Variants in TRIM67 observed in about 807,000 individuals in gnomAD.
TRIM67 encodes tripartite motif-containing protein 67.
Under a neutral mutation model 71.0 loss-of-function variants are expected in TRIM67, and 39 were observed. The observed-to-expected ratio is 0.55, with a 90% CI of 0.43 to 0.72. TRIM67 has a LOEUF of 0.72. Ranked by LOEUF, TRIM67 falls within the 30% of genes least tolerant of loss-of-function variation. The pLI is 0.00. For missense variants in TRIM67, 973 were observed against 1,079.2 expected (o/e 0.90, Z 1.38); for synonymous variants, 481 against 473.9 (o/e 1.01, Z -0.19).
At chr1:231,164,871 T>C (rs1682408296) in intron 1 of TRIM67, among the ~76,000 whole-genome samples, 1 of 152,244 alleles carries the variant, frequency 6.6e-6, no homozygotes, top group Admixed American at 6.5e-5. Context: ...CATATATAGT[T>C]ACTCTATAGT....
At chr1:231,194,807 C>A (rs1004910449) in intron 1 of TRIM67, among the ~76,000 whole-genome samples, 2 of 152,124 alleles carry the variant, frequency 1.3e-5, no homozygotes, top group African/African-American at 4.8e-5. Flanking sequence ...CCCAGCCTCC[C>A]GAGTAGCTGG....
rs377193478 is a variant in TRIM67, at chr1:231,163,831, G to C, written c.862G>C (p.Gly288Arg). Reference sequence around the variant, plus strand: ...CGGCTGCAAGAGCCCGGGAGGCGCGGGGGCGGGGGCGACTGGGGGCAGCAC... The same window carrying C: ...CGGCTGCAAGAGCCCGGGAGGCGCGCGGGCGGGGGCGACTGGGGGCAGCAC... ...GGGCKSPGGA[G>R]AGATGGSTAR... The change falls in exon 1 of 10, where the codon GGG becomes CGG. Residue 288 changes from glycine (G) to arginine (R), a missense_variant. Gly to Arg is a moderately radical substitution (Grantham distance 125, BLOSUM62 -2). This residue lies in a region of TRIM67 where 795 missense variants were observed against 831.3 expected (regional missense o/e 0.96). Coordinates refer to ENST00000366653, the MANE Select transcript of TRIM67 (RefSeq NM_001004342.5). 1.8e-5 allele frequency: 28 copies of C among 1,524,250 alleles called. No individual in the cohort carries two copies. The African/African-American group carries it at 3.5e-4, about 19-fold the overall frequency. 94.4% of individuals were successfully genotyped at this position (1,524,250 alleles called of 1,614,324 possible). A position where few individuals can be genotyped will look rare whatever the true frequency, so the allele number is the denominator to read the frequency against.
chr1:231,197,351 A>G lies in TRIM67; in HGVS notation c.1045-20A>G. On this transcript the variant is annotated intron_variant, in intron 1 of 9. Transcript: ENST00000366653. Reference sequence around the variant, plus strand: ...CTTTCACAACTAATTTTTCTTTTCAACATGTGATATCTTTTTCAGGCACAA... The same window carrying G: ...CTTTCACAACTAATTTTTCTTTTCAGCATGTGATATCTTTTTCAGGCACAA... The G allele has an allele frequency of 6.2e-7, 1 of 1,608,776 alleles. No individual in the cohort carries two copies. Among genetic ancestry groups the G allele is most frequent in the Non-Finnish European group, 8.5e-7 (1 of 1,177,104 alleles).
chr1:231,208,159 C>A (rs964175432), intron 7 of TRIM67, among the ~76,000 whole-genome samples: 21 of 151,620 alleles, frequency 1.4e-4, no homozygotes, highest in African/African-American at 4.4e-4. Flanking sequence ...TAGGCGCCCA[C>A]CACCATGTCC....
chr1:231,205,536 G>A (rs1683671015), intron 6 of TRIM67, among the ~76,000 whole-genome samples: 2 of 152,086 alleles, frequency 1.3e-5, no homozygotes, highest in Admixed American at 1.3e-4. Flanking sequence ...GACCAGCCTG[G>A]TCAACATGGT....
intron 1 of TRIM67, among the ~76,000 whole-genome samples, chr1:231,168,513 T>A (rs1682539359): frequency 6.6e-6 from 1 of 152,246 alleles, no homozygotes; most frequent in Non-Finnish European, 1.5e-5. Flanking sequence ...TTACCTTTCA[T>A]AAAGATGACA....
At position 231,219,595 on chromosome 1, in the gene TRIM67, C is replaced by G. The variant is rs1038121909; in HGVS notation, c.*4155C>G. 6.2e-5 allele frequency: 70 copies of G among 1,128,802 alleles called. No individual in the cohort carries two copies. The highest frequency in any genetic ancestry group is 7.2e-5 in the Non-Finnish European group (66 of 913,708). The allele number at this position is 1,128,802 out of a possible 1,614,324, so 69.9% of individuals were successfully genotyped here. On this transcript the variant is annotated 3_prime_UTR_variant, in exon 10 of 10. Transcript: ENST00000366653. ...TCACTCACTGAAGATGCCCCCTGCC[C>G]GCTCCCCACTTCCTAGAAAGCAAAA...
intron 8 of TRIM67, among the ~76,000 whole-genome samples, chr1:231,212,849 A>T (rs1469715454): frequency 6.6e-6 from 1 of 152,150 alleles, no homozygotes; most frequent in African/African-American, 2.4e-5. Flanking sequence ...CACCGAGTGG[A>T]TGTGAATTCT....
At chr1:231,193,500 C>T (rs1281125094) in intron 1 of TRIM67, among the ~76,000 whole-genome samples, 1 of 141,092 alleles carries the variant, frequency 7.1e-6, no homozygotes, top group East Asian at 2.2e-4. Context: ...AACTCTCTCT[C>T]AAGCTCTCTC....
intron 1 of TRIM67, among the ~76,000 whole-genome samples, chr1:231,182,367 G>A (rs1287404008): frequency 2.6e-5 from 4 of 151,904 alleles, no homozygotes; most frequent in African/African-American, 9.7e-5. Context: ...TTTTAAACCA[G>A]CCTGGGAAAC....
chr1:231,195,265 C>T (rs925046367), intron 1 of TRIM67, among the ~76,000 whole-genome samples: 1 of 152,208 alleles, frequency 6.6e-6, no homozygotes, highest in African/African-American at 2.4e-5. Flanking sequence ...TGGCTAATCA[C>T]ACATGGCAGT....
chr1:231,165,244 A>G (rs1457765650), intron 1 of TRIM67, among the ~76,000 whole-genome samples: 1 of 152,238 alleles, frequency 6.6e-6, no homozygotes, highest in Non-Finnish European at 1.5e-5. Context: ...CCCAAATGTC[A>G]ACAGTGCTCT....
At chr1:231,192,449 G>A (rs550532817) in intron 1 of TRIM67, among the ~76,000 whole-genome samples, 2 of 152,116 alleles carry the variant, frequency 1.3e-5, no homozygotes, top group African/African-American at 2.4e-5. Context: ...CAAAGTCCTG[G>A]GATTACAGGT....
chr1:231,206,214 G>A (rs1683691116), intron 6 of TRIM67, among the ~76,000 whole-genome samples: 1 of 151,828 alleles, frequency 6.6e-6, no homozygotes, highest in Non-Finnish European at 1.5e-5. Flanking sequence ...GATCACCTGA[G>A]GTCAAGAGTT....
At position 231,199,151 on chromosome 1, in the gene TRIM67, G is replaced by C; in HGVS notation, c.1245G>C (p.Glu415Asp). The C allele has an allele frequency of 6.2e-7, 1 of 1,614,012 alleles. No homozygotes were observed. Among genetic ancestry groups the C allele is most frequent in the South Asian group, 1.1e-5 (1 of 91,086 alleles). Residue 415 changes from glutamate to aspartate, a missense_variant, in exon 3 of 10, where the codon GAG becomes GAC. By Grantham distance (45) the Glu-to-Asp change is conservative. Transcript: ENST00000366653. ...AGCTGCTCACCAAGGTGACTAAAGA[G>C]AGGGAACACAAGTTGAAGGTAGGTA... ...KAKLLTKVTK[E>D]REHKLKMVWD... is the part of the protein sequence containing the mutation.
intron 1 of TRIM67, among the ~76,000 whole-genome samples, chr1:231,165,231 AG>A (rs896396312): frequency 6.6e-6 from 1 of 152,210 alleles, no homozygotes; most frequent in Non-Finnish European, 1.5e-5. Context: ...ACAATTATCC[AG>A]CCCCAAATGT....
intron 1 of TRIM67, among the ~76,000 whole-genome samples, chr1:231,192,602 G>A (rs1432732614): frequency 6.6e-6 from 1 of 152,214 alleles, no homozygotes; most frequent in Non-Finnish European, 1.5e-5. Flanking sequence ...CTGACTTGTG[G>A]TCATTCACAC....
intron 1 of TRIM67, among the ~76,000 whole-genome samples, chr1:231,167,617 C>T (rs1308853953): frequency 9.4e-6 from 1 of 106,332 alleles, no homozygotes; most frequent in Non-Finnish European, 1.7e-5. Context: ...CCACCGCGCC[C>T]GGCCGTCTTT....
rs1474157469 is a variant in TRIM67, at chr1:231,163,884, G to A, written c.915G>A (p.Glu305=). The change falls in exon 1 of 10, where the codon GAG becomes GAA. Residue 305 remains glutamate, a synonymous_variant. Coordinates refer to ENST00000366653, the MANE Select transcript of TRIM67 (RefSeq NM_001004342.5). ...CCCGCAAGTTCCCCACGTGTCCCGA[G>A]CATGAAATGGAGAACTACAGCATGT... ...STARKFPTCP[E]HEMENYSMYC... 2 of 1,580,120 alleles carry A rather than the reference G, an allele frequency of 1.3e-6. No homozygotes were observed. The highest frequency in any genetic ancestry group is 1.8e-5 in the Admixed American group (1 of 55,240).
Sources: gnomAD v4.1 joint callset for allele counts (sites outside exome capture counted in the v4.1 genomes callset) on GRCh38, gnomAD v4.1.1 for gene constraint, gnomAD v4.1.1 regional missense constraint, MANE v1.5 for transcripts, NCBI Gene and HGNC (gene_info 2026-07-23, HGNC 2026-07-21) for gene names.